ETV7: variants seen among roughly 807,000 people sequenced by gnomAD.
ETV7 encodes ETS variant transcription factor 7.
A neutral mutation model predicts 39.1 loss-of-function variants in ETV7; 43 were observed. The observed-to-expected ratio is 1.10, with a 90% CI of 0.86 to 1.42. The LOEUF (loss-of-function observed/expected upper bound fraction) is 1.42. ETV7 is among the 40% of genes most tolerant of loss of function. ETV7 has a pLI of 0.00. For synonymous variants in ETV7, 196 were observed against 176.6 expected (o/e 1.11, Z -0.87); for missense variants, 432 against 442.3 (o/e 0.98, Z 0.21).
chr6:36,381,889 C>A (rs3778028), intron 2 of ETV7, among the ~76,000 whole-genome samples: 10,827 of 152,160 alleles, frequency 0.071, 859 homozygotes, highest in Admixed American at 0.18. Context: ...ATGGTCTAGC[C>A]CAGACCCTGC....
At chr6:36,379,855 G>C (rs896114390) in intron 2 of ETV7, among the ~76,000 whole-genome samples, 2 of 149,198 alleles carry the variant, frequency 1.3e-5, no homozygotes, top group African/African-American at 4.9e-5. Flanking sequence ...CAGCCTGGGT[G>C]ACTGAGCAAG....
chr6:36,375,348 T>G (rs892903323), intron 3 of ETV7, among the ~76,000 whole-genome samples: 4 of 150,120 alleles, frequency 2.7e-5, no homozygotes, highest in Non-Finnish European at 5.9e-5. Flanking sequence ...CTGGCCACCC[T>G]CCCTCCCACC....
At chr6:36,387,417 G>A (rs1221174026) in intron 1 of ETV7, 119 bp downstream of exon 1, 6 of 1,391,700 alleles carry the variant, frequency 4.3e-6, no homozygotes, top group Non-Finnish European at 5.1e-6. Context: ...GTTGGAAAGA[G>A]AGATTCCCGC....
At chr6:36,384,612 G>A (rs923578493) in intron 2 of ETV7, among the ~76,000 whole-genome samples, 1 of 152,078 alleles carries the variant, frequency 6.6e-6, no homozygotes, top group South Asian at 2.1e-4. Flanking sequence ...AACCTTGGCC[G>A]GGTGCGGTGG....
chr6:36,371,003 C>T (rs567348031), intron 5 of ETV7, among the ~76,000 whole-genome samples: 3 of 152,344 alleles, frequency 2.0e-5, no homozygotes, highest in African/African-American at 7.2e-5. Context: ...TTGGGAACCA[C>T]GCCTGGCACA....
At chr6:36,367,866 G>A (rs565149307) in intron 6 of ETV7, among the ~76,000 whole-genome samples, 5 of 152,220 alleles carry the variant, frequency 3.3e-5, no homozygotes, top group South Asian at 4.1e-4. Flanking sequence ...AACACCCATC[G>A]CATAAGTCAA....
chr6:36,365,543 G>A (rs1353204439), downstream of ETV7, among the ~76,000 whole-genome samples: 3 of 152,314 alleles, frequency 2.0e-5, no homozygotes, highest in South Asian at 6.2e-4. Context: ...ACAGGGACAG[G>A]AGCATAGGAA....
intron 2 of ETV7, among the ~76,000 whole-genome samples, chr6:36,383,953 G>A (rs1182928778): frequency 6.6e-6 from 1 of 152,190 alleles, no homozygotes; most frequent in Non-Finnish European, 1.5e-5. Flanking sequence ...CTGGCTGCAG[G>A]AACCCCTTAG....
chr6:36,358,870 T>C (rs1772404427), intron 7 of ETV7, among the ~76,000 whole-genome samples: 1 of 152,220 alleles, frequency 6.6e-6, no homozygotes, highest in African/African-American at 2.4e-5. Context: ...ACTCTGGGGC[T>C]TTCCAGCCAG....
intron 2 of ETV7, among the ~76,000 whole-genome samples, chr6:36,376,515 T>C (rs10947603): frequency 0.43 from 65,289 of 152,088 alleles, 14,944 homozygotes; most frequent in Middle Eastern, 0.51. Flanking sequence ...CGGTGGCTCA[T>C]GCCTGTAATC....
downstream of ETV7, among the ~76,000 whole-genome samples, chr6:36,363,000 C>G (rs1257579715): frequency 6.6e-6 from 1 of 152,242 alleles, no homozygotes; most frequent in Non-Finnish European, 1.5e-5. Flanking sequence ...AGAAGCTGGG[C>G]TGGGCCATGT....
chr6:36,376,287 G>A (rs1773344098), intron 2 of ETV7, among the ~76,000 whole-genome samples: 1 of 152,116 alleles, frequency 6.6e-6, no homozygotes, highest in South Asian at 2.1e-4. Context: ...TTTATTGTTG[G>A]TACCTCCCCA....
intron 2 of ETV7, among the ~76,000 whole-genome samples, chr6:36,379,974 C>T (rs1773572068): frequency 6.6e-6 from 1 of 152,038 alleles, no homozygotes; most frequent in Admixed American, 6.5e-5. Context: ...GACAGTACCT[C>T]AGTTTCATCA....
chr6:36,366,252 ACTTTTTCCC>A lies in ETV7; in HGVS notation c.*384_*392del. On this transcript the variant is annotated 3_prime_UTR_variant, in exon 8 of 8. Transcript: ENST00000340181. ...GTCAGTGCCGCCTGGAAGCACTAAC[ACTTTTTCCC>A]ATTTCCTGCCTCAGCCCATTTCACA... 1.9e-6 allele frequency: 2 copies of A among 1,046,472 alleles called. No homozygotes were observed. The highest frequency in any genetic ancestry group is 3.7e-5 in the South Asian group (1 of 26,704). 64.8% of individuals were successfully genotyped at this position (1,046,472 alleles called of 1,614,324 possible). A position where few individuals can be genotyped will look rare whatever the true frequency, so the allele number is the denominator to read the frequency against.
At chr6:36,354,753 AG>A in intron 7 of ETV7, 1 of 670,434 alleles carries the variant, frequency 1.5e-6, no homozygotes, top group South Asian at 1.6e-5. Flanking sequence ...AGACCAATTT[AG>A]GGAGTATTGC....
Position 36,373,457 on chromosome 6 carries a change from C to T in ETV7, c.429G>A (p.Pro143=), listed in dbSNP as rs144387074. ...CACCACAGAGAGCTTCCTCACCTTC[C>T]GGGGGGACTGGAGAGTGCTGGGTGG... ...KTPTQHSPVP[P]EEVTGPSQMD... Residue 143 remains proline (P), a synonymous_variant, in exon 4 of 8, where the codon CCG becomes CCA. Transcript: ENST00000340181. 1,106 of 1,558,094 alleles carry T rather than the reference C, an allele frequency of 7.1e-4. 15 individuals are homozygous for T. The African/African-American group carries it at 0.013, about 19-fold the overall frequency.
chr6:36,373,601 G>GGGGGC, intron 3 of ETV7, 23 bp from the exon 4 acceptor site: 6 of 475,634 alleles, frequency 1.3e-5, no homozygotes, highest in Non-Finnish European at 2.0e-5. Context: ...GGGAGGGAGG[G>GGGGGC]CAGGCTGCTG....
chr6:36,360,959 C>T lies in ETV7; in HGVS notation c.908+5916G>A, dbSNP rs76115802. On this transcript the variant is annotated intron_variant, in intron 7 of 7. Coordinates refer to the ETV7 transcript ENST00000339796. ...AGGCACACTTCTCACGTCATCTCTC[C>T]CTGGGGACTGCAATGGTTTGCTCAT... 8.0e-3 allele frequency among the ~76,000 whole-genome samples: 1,221 copies of T among 152,332 alleles called. 15 individuals are homozygous for T. Among genetic ancestry groups the T allele is most frequent in the African/African-American group, 0.028 (1,171 of 41,578 alleles).
intron 4 of ETV7, 56 bp downstream of exon 4, chr6:36,373,397 T>C: frequency 6.8e-7 from 1 of 1,463,182 alleles, no homozygotes; most frequent in Middle Eastern, 2.0e-4. Context: ...TGTCCTGCCC[T>C]CCCAGTGAGG....
Sources: allele counts gnomAD v4.1 joint callset (sites outside exome capture counted in the v4.1 genomes callset), GRCh38; gene constraint gnomAD v4.1.1; transcripts MANE v1.5; gene names NCBI Gene and HGNC (gene_info 2026-07-23, HGNC 2026-07-21).